The following GRIK3 variants were observed in gnomAD, a reference collection of about 807,000 sequenced individuals.
GRIK3 encodes the protein glutamate ionotropic receptor kainate type subunit 3.
In GRIK3, 29 loss-of-function variants were observed where a neutral mutation model predicts 102.5. The ratio of observed to expected loss-of-function variants is 0.28; its 90% CI spans 0.21 to 0.39. The LOEUF (loss-of-function observed/expected upper bound fraction) is 0.39. GRIK3 is among the 10% of genes least tolerant of loss of function. GRIK3 has a pLI of 1.00. For missense variants in GRIK3, 908 were observed against 1,252.4 expected, an observed-to-expected ratio of 0.73 and a Z score of 4.15; for synonymous variants, 511 against 504.9, an observed-to-expected ratio of 1.01 and a Z score of -0.16.
chr1:36,939,292 G>A (rs906478878), intron 1 of GRIK3, among the ~76,000 whole-genome samples: 2 of 152,248 alleles, frequency 1.3e-5, no homozygotes, highest in Non-Finnish European at 2.9e-5. Flanking sequence ...GCAGGGTGCT[G>A]CAAGGGTGCT....
chr1:36,865,511 C>T (rs1557707237), intron 5 of GRIK3, among the ~76,000 whole-genome samples: 3 of 152,156 alleles, frequency 2.0e-5, no homozygotes, highest in Admixed American at 6.6e-5. Context: ...TCCTGAAGAC[C>T]GGAAGCAGGA....
rs138277153 is a variant in GRIK3, at chr1:36,880,181, C to T, written c.550+453G>A. On this transcript the variant is annotated intron_variant, in intron 3 of 15. Coordinates refer to ENST00000373091, the MANE Select transcript of GRIK3 (RefSeq NM_000831.4). This position sits in a 1 kb window ranked among gnomAD's most constrained non-coding sequence, Gnocchi z 5.4. ...AGGTGATAGAGATGGGATTTACACC[C>T]AGGTGGTTTGGCTCCAGTGTGTACA... Among the ~76,000 whole-genome samples the T allele has an allele frequency of 1.4e-3, 218 of 152,314 alleles. No homozygotes were observed. The highest frequency in any genetic ancestry group is 5.1e-3 in the African/African-American group (210 of 41,566).
chr1:36,978,604 T>C lies in GRIK3; in HGVS notation c.115+55390A>G, dbSNP rs556488646. On this transcript the variant is annotated intron_variant, in intron 1 of 15. Coordinates refer to ENST00000373091, the MANE Select transcript of GRIK3 (RefSeq NM_000831.4). ...GACCTAGGGTGGGCTCACTACTGTA[T>C]CTGTGGTCTGCGGGGGTTAGCTGGT... Among the ~76,000 whole-genome samples, 99 of 152,314 alleles carry C rather than the reference T, an allele frequency of 6.5e-4. 1 individual carries two copies. Among genetic ancestry groups the C allele is most frequent in the Non-Finnish European group, 8.5e-4 (58 of 68,020 alleles).
chr1:36,956,127 C>A (rs769063761), intron 1 of GRIK3, among the ~76,000 whole-genome samples: 2 of 152,204 alleles, frequency 1.3e-5, no homozygotes, highest in African/African-American at 2.4e-5. Context: ...GGCCCTAGAA[C>A]TCTGCTCCCC....
At chr1:36,940,829 A>G (rs1641712038) in intron 1 of GRIK3, among the ~76,000 whole-genome samples, 1 of 152,228 alleles carries the variant, frequency 6.6e-6, no homozygotes, top group African/African-American at 2.4e-5. Context: ...AGAATCAGCC[A>G]CATCCCCAGC....
intron 11 of GRIK3, among the ~76,000 whole-genome samples, chr1:36,825,157 C>G (rs56121552): frequency 0.18 from 27,892 of 152,064 alleles, 2,971 homozygotes; most frequent in African/African-American, 0.29. Context: ...GTGGGGATGG[C>G]TGTGAGTTTA....
chr1:36,957,489 G>T (rs1453835790), intron 1 of GRIK3, among the ~76,000 whole-genome samples: 1 of 126,210 alleles, frequency 7.9e-6, no homozygotes, highest in Non-Finnish European at 1.8e-5. Context: ...TGTGCCCCGT[G>T]AGCCTGTGTG....
intron 1 of GRIK3, among the ~76,000 whole-genome samples, chr1:36,986,600 G>A (rs1642310056): frequency 6.6e-6 from 1 of 152,162 alleles, no homozygotes; most frequent in Non-Finnish European, 1.5e-5. Context: ...TACCCTCAAG[G>A]AGCTCCCAGC....
At position 36,875,827 on chromosome 1, in the gene GRIK3, C is replaced by T. The variant is rs1332557545; in HGVS notation, c.551-3458G>A. ...TGAGTTTTTGAGGTGGTTTGTTACA[C>T]AGCATTATTATAGAAAGAGATAACA... On this transcript the variant is annotated intron_variant, in intron 3 of 15. Transcript: ENST00000373091. 2.6e-5 allele frequency among the ~76,000 whole-genome samples: 4 copies of T among 152,200 alleles called. No individual in the cohort carries two copies. The East Asian group carries it at 5.8e-4, about 22-fold the overall frequency.
Position 36,806,354 on chromosome 1 carries a change from C to T in GRIK3, c.2092-28G>A. ...GGGCCGTGAGGGAAGGGGTGATGCACACACCGTTACTAGGCGCACCAGGGA... is the reference window on the plus strand; with the variant it reads ...GGGCCGTGAGGGAAGGGGTGATGCATACACCGTTACTAGGCGCACCAGGGA... On this transcript the variant is annotated intron_variant, in intron 13 of 15. Coordinates refer to ENST00000373091, the MANE Select transcript of GRIK3 (RefSeq NM_000831.4). The surrounding 1 kb of genome is among the most constrained non-coding windows in gnomAD (Gnocchi z 4.0). 4.1e-6 allele frequency: 6 copies of T among 1,461,890 alleles called. No individual in the cohort carries two copies. The highest frequency in any genetic ancestry group is 5.7e-6 in the Non-Finnish European group (6 of 1,047,186). The allele number at this position is 1,461,890 out of a possible 1,614,324, so 90.6% of individuals were successfully genotyped here. A position where few individuals can be genotyped will look rare whatever the true frequency, so the allele number is the denominator to read the frequency against.
intron 1 of GRIK3, among the ~76,000 whole-genome samples, chr1:36,996,236 C>T (rs1642418038): frequency 6.6e-6 from 1 of 152,234 alleles, no homozygotes; most frequent in Non-Finnish European, 1.5e-5. Context: ...GCAAGTCTGT[C>T]TAAGCCTTGA....
chr1:36,912,944 A>C (rs994750916), intron 1 of GRIK3, among the ~76,000 whole-genome samples: 8 of 152,260 alleles, frequency 5.3e-5, no homozygotes, highest in Non-Finnish European at 1.0e-4. Context: ...AATATCTCTC[A>C]GACCATCTGT....
At chr1:36,871,711 G>C (rs143706911) in intron 4 of GRIK3, among the ~76,000 whole-genome samples, 108 of 152,316 alleles carry the variant, frequency 7.1e-4, no homozygotes, top group African/African-American at 2.5e-3. Flanking sequence ...CGAGAGCCTT[G>C]ATAAAGCTCC....
At chr1:37,006,665 G>A (rs1397062531) in intron 1 of GRIK3, among the ~76,000 whole-genome samples, 1 of 152,218 alleles carries the variant, frequency 6.6e-6, no homozygotes, top group Non-Finnish European at 1.5e-5. Context: ...CCAGGCACGT[G>A]GGCTAGACAT....
At chr1:36,901,890 A>C (rs1456301395) in intron 1 of GRIK3, among the ~76,000 whole-genome samples, 1 of 152,264 alleles carries the variant, frequency 6.6e-6, no homozygotes, top group Non-Finnish European at 1.5e-5. Flanking sequence ...AAGGTGGCAG[A>C]ATATACGGTT....
chr1:36,937,537 G>A (rs578156762), intron 1 of GRIK3, among the ~76,000 whole-genome samples: 16 of 152,070 alleles, frequency 1.1e-4, no homozygotes, highest in African/African-American at 1.9e-4. Flanking sequence ...CAGAAATTTC[G>A]GTGGAGAGAA....
chr1:36,809,083 A>C (rs1468048513), intron 13 of GRIK3, among the ~76,000 whole-genome samples: 5 of 152,082 alleles, frequency 3.3e-5, no homozygotes, highest in African/African-American at 1.2e-4. Flanking sequence ...TGAGAACCAA[A>C]GGTAGATGAA....
chr1:36,977,995 C>T (rs893534015), intron 1 of GRIK3, among the ~76,000 whole-genome samples: 2 of 152,264 alleles, frequency 1.3e-5, no homozygotes, highest in Admixed American at 6.5e-5. Context: ...ACACTGTGTC[C>T]GCTGATTATG....
At chr1:36,911,690 G>C (rs779774365) in intron 1 of GRIK3, among the ~76,000 whole-genome samples, 1 of 152,082 alleles carries the variant, frequency 6.6e-6, no homozygotes, top group Non-Finnish European at 1.5e-5. Context: ...AGAATCGACC[G>C]TGTTGGGAGG....
Sources: gnomAD v4.1 joint callset for allele counts (sites outside exome capture counted in the v4.1 genomes callset) on GRCh38, gnomAD v4.1.1 for gene constraint, Gnocchi (gnomAD v3.1) non-coding constraint, MANE v1.5 for transcripts, NCBI Gene and HGNC (gene_info 2026-07-23, HGNC 2026-07-21) for gene names.